Variants in DLG2 observed in about 807,000 individuals in gnomAD.
DLG2 encodes the protein disks large homolog 2.
In DLG2, 45 loss-of-function variants were observed where a neutral mutation model predicts 132.5. The ratio of observed to expected loss-of-function variants is 0.34; its 90% CI spans 0.27 to 0.44. DLG2 has a LOEUF of 0.44. Among genes scored for constraint, DLG2 ranks in the 20% least tolerant of loss-of-function variants. DLG2 has a pLI of 1.00. For missense variants in DLG2, 1,045 were observed against 1,196.9 expected (o/e 0.87, Z 1.87); for synonymous variants, 424 against 419.6 (o/e 1.01, Z -0.13).
At chr11:84,508,768 CTTTA>C (rs1591185216) in intron 7 of DLG2, among the ~76,000 whole-genome samples, 2 of 152,200 alleles carry the variant, frequency 1.3e-5, no homozygotes, top group Admixed American at 6.5e-5. Flanking sequence ...TATATTATTT[CTTTA>C]TTTGTTTATT....
In DLG2 at chr11:84,795,981, A is replaced by T. The variant is rs578102363; in HGVS notation, c.358-261250T>A. ...CTGGACCCCATGCTCACTTGCTCAC[A>T]CACCCCTTGCCATTCTGTGCCTGGC... On this transcript the variant is annotated intron_variant, in intron 6 of 27. Coordinates refer to ENST00000376104, the MANE Select transcript of DLG2 (RefSeq NM_001142699.3). Among the ~76,000 whole-genome samples the T allele has an allele frequency of 2.0e-5, 3 of 152,276 alleles. No individual in the cohort carries two copies. The East Asian group carries it at 5.8e-4, about 30-fold the overall frequency.
intron 7 of DLG2, among the ~76,000 whole-genome samples, chr11:84,472,562 G>A (rs563618694): frequency 4.7e-4 from 72 of 151,946 alleles, no homozygotes; most frequent in Middle Eastern, 6.8e-3. Context: ...TTTAAAATTT[G>A]TAGTTCAATA....
chr11:84,411,618 G>A (rs930987288), intron 7 of DLG2, among the ~76,000 whole-genome samples: 12 of 152,106 alleles, frequency 7.9e-5, no homozygotes, highest in Non-Finnish European at 1.8e-4. Context: ...TAAGTAAGAG[G>A]TGGATGGTAG....
intron 11 of DLG2, among the ~76,000 whole-genome samples, chr11:84,043,457 T>C (rs1376327947): frequency 1.3e-5 from 2 of 151,798 alleles, no homozygotes; most frequent in Non-Finnish European, 2.9e-5. Flanking sequence ...CACAAGGGTT[T>C]GTTGTACAGA....
At chr11:84,892,678 G>T (rs1361053133) in intron 6 of DLG2, among the ~76,000 whole-genome samples, 1 of 151,688 alleles carries the variant, frequency 6.6e-6, no homozygotes, top group East Asian at 1.9e-4. Context: ...ATTAATTAAG[G>T]GTGCTGTTGG....
At chr11:84,828,387 T>C (rs2078610850) in intron 6 of DLG2, among the ~76,000 whole-genome samples, 2 of 151,964 alleles carry the variant, frequency 1.3e-5, no homozygotes, top group South Asian at 4.1e-4. Context: ...TAGGAGACTT[T>C]CACTTTATTC....
At chr11:84,641,632 G>C (rs1000570292) in intron 6 of DLG2, among the ~76,000 whole-genome samples, 1 of 152,088 alleles carries the variant, frequency 6.6e-6, no homozygotes, top group African/African-American at 2.4e-5. Flanking sequence ...AGGCAGCGTA[G>C]TTTAAGTGGC....
intron 8 of DLG2, among the ~76,000 whole-genome samples, chr11:84,172,799 C>T (rs2095854790): frequency 6.6e-6 from 1 of 152,210 alleles, no homozygotes; most frequent in East Asian, 1.9e-4. Flanking sequence ...GCCTTGGCCT[C>T]CCAAAGTGCT....
Position 83,833,672 on chromosome 11 carries a change from A to G in DLG2, c.1664T>C (p.Leu555Pro). The G allele has an allele frequency of 6.2e-7, 1 of 1,614,114 alleles. No individual in the cohort carries two copies. Among genetic ancestry groups the G allele is most frequent in the Non-Finnish European group, 8.5e-7 (1 of 1,179,970 alleles). The change falls in exon 17 of 28, where the codon CTG becomes CCG. Residue 555 changes from leucine to proline, a missense_variant. Leu to Pro is a moderately conservative substitution (Grantham distance 98). Transcript: ENST00000376104. ...ACTTAGGTCTGCTGGTCCACCAGCC[A>G]GAATGAAGGACACAAAAATACCTTC... ...DGEGIFVSFILAGGPADLSGE... is the reference protein window; with the variant it reads ...DGEGIFVSFIPAGGPADLSGE...
intron 11 of DLG2, among the ~76,000 whole-genome samples, chr11:84,004,976 A>G (rs1348825185): frequency 1.3e-5 from 2 of 150,992 alleles, no homozygotes; most frequent in Non-Finnish European, 3.0e-5. Flanking sequence ...GAATAGCTGA[A>G]GCAATCCTGA....
At chr11:85,331,895 T>C (rs1351246002) in intron 3 of DLG2, among the ~76,000 whole-genome samples, 1 of 152,212 alleles carries the variant, frequency 6.6e-6, no homozygotes, top group African/African-American at 2.4e-5. Context: ...ATTCCATGTC[T>C]TTGCTATTAT....
At chr11:84,906,951 G>A (rs2091584546) in intron 6 of DLG2, among the ~76,000 whole-genome samples, 1 of 152,152 alleles carries the variant, frequency 6.6e-6, no homozygotes, top group Admixed American at 6.5e-5. Context: ...GGGAAATGGA[G>A]CCATTTCTAA....
At chr11:84,269,297 G>A (rs1300534176) in intron 7 of DLG2, among the ~76,000 whole-genome samples, 1 of 152,154 alleles carries the variant, frequency 6.6e-6, no homozygotes, top group Non-Finnish European at 1.5e-5. Context: ...CACATAAAAG[G>A]TATTTAATAA....
At chr11:84,882,782 C>A (rs935044212) in intron 6 of DLG2, among the ~76,000 whole-genome samples, 2 of 151,998 alleles carry the variant, frequency 1.3e-5, no homozygotes, top group Non-Finnish European at 2.9e-5. Context: ...ATTAAAGAAT[C>A]CTTGTATTCA....
intron 6 of DLG2, among the ~76,000 whole-genome samples, chr11:84,825,277 G>A (rs2078198562): frequency 6.6e-6 from 1 of 151,784 alleles, no homozygotes; most frequent in Non-Finnish European, 1.5e-5. Flanking sequence ...ATTTGTATTG[G>A]TACAATGAGG....
chr11:85,166,980 A>G (rs921333356), intron 4 of DLG2, among the ~76,000 whole-genome samples: 1 of 152,106 alleles, frequency 6.6e-6, no homozygotes, highest in Non-Finnish European at 1.5e-5. Flanking sequence ...ATAAGTACTC[A>G]GTGGTTTAAC....
chr11:84,593,503 T>C (rs1381611905), intron 6 of DLG2, among the ~76,000 whole-genome samples: 1 of 152,164 alleles, frequency 6.6e-6, no homozygotes, highest in East Asian at 1.9e-4. Flanking sequence ...TGCAGGGACA[T>C]GGATGAAACT....
intron 6 of DLG2, among the ~76,000 whole-genome samples, chr11:84,830,640 G>A (rs1287341969): frequency 1.3e-5 from 2 of 151,476 alleles, no homozygotes; most frequent in African/African-American, 4.8e-5. Context: ...TCAGGAGGAA[G>A]AAGCTTGTAT....
chr11:84,757,399 G>A (rs914869077), intron 6 of DLG2, among the ~76,000 whole-genome samples: 1 of 152,026 alleles, frequency 6.6e-6, no homozygotes, highest in African/African-American at 2.4e-5. Flanking sequence ...TTGGTCTGCA[G>A]TAGATTGTAA....
Sources: gnomAD v4.1 joint callset for allele counts (sites outside exome capture counted in the v4.1 genomes callset) on GRCh38, gnomAD v4.1.1 for gene constraint, MANE v1.5 for transcripts, NCBI Gene and HGNC (gene_info 2026-07-23, HGNC 2026-07-21) for gene names.